The following TRAK1 variants were observed in gnomAD, a reference collection of about 807,000 sequenced individuals.
TRAK1 encodes the protein trafficking kinesin protein 1, also known as trafficking kinesin-binding protein 1.
TRAK1 carries 33 observed loss-of-function variants against 92.1 expected under a neutral mutation model. The ratio of observed to expected loss-of-function variants is 0.36; its 90% CI spans 0.27 to 0.48. The LOEUF (loss-of-function observed/expected upper bound fraction) is 0.48, where lower values mean the gene tolerates loss of function less well. Ranked by LOEUF, TRAK1 falls within the 20% of genes least tolerant of loss-of-function variation. The pLI, the probability that TRAK1 is intolerant of heterozygous loss-of-function variation, is 0.99. For missense variants in TRAK1, 1,123 were observed against 1,257.9 expected, an observed-to-expected ratio of 0.89 and a Z score of 1.62; for synonymous variants, 521 against 517.3, an observed-to-expected ratio of 1.01 and a Z score of -0.10.
chr3:42,062,650 G>A (rs796946806), intron 1 of TRAK1, among the ~76,000 whole-genome samples: 26 of 152,286 alleles, frequency 1.7e-4, no homozygotes, highest in African/African-American at 6.3e-4. Context: ...TTGTGTCAGC[G>A]CTATCTGTAT....
intron 1 of TRAK1, among the ~76,000 whole-genome samples, chr3:42,052,809 A>G (rs1703035409): frequency 6.6e-6 from 1 of 152,176 alleles, no homozygotes; most frequent in Admixed American, 6.5e-5. Flanking sequence ...GTCCCGTGAC[A>G]CCACAGTGTT....
rs371786032 is a variant in TRAK1, at chr3:42,033,046, A to G, written c.-519+18929A>G. Among the ~76,000 whole-genome samples the G allele has an allele frequency of 7.3e-4, 111 of 152,304 alleles. 1 individual carries two copies. In the South Asian group the frequency reaches 0.02, roughly 28 times the overall value. The stretch of plus-strand genomic sequence containing the variant: ...TAGGCCAGTGTTTCCTTAAAAACCA[A>G]TATTTCGATGTGTTTGTTCTGGAAG... On this transcript the variant is annotated intron_variant, in intron 1 of 16. Coordinates refer to the TRAK1 transcript ENST00000487159.
At chr3:42,032,131 C>G (rs1702168933) in intron 1 of TRAK1, among the ~76,000 whole-genome samples, 1 of 152,144 alleles carries the variant, frequency 6.6e-6, no homozygotes, top group Non-Finnish European at 1.5e-5. Flanking sequence ...GCTGATGCTT[C>G]AAGTGGGTAA....
Position 42,223,776 on chromosome 3 carries a change from G to A in TRAK1, c.*39G>A, listed in dbSNP as rs769873562. The stretch of plus-strand genomic sequence containing the variant: ...GCCGGTTGCCCTAGAGGAGACCCAC[G>A]TTCTCCTCTCTTGCTCCCACCTCCC... On this transcript the variant is annotated 3_prime_UTR_variant, in exon 16 of 16. Coordinates refer to ENST00000327628, the MANE Select transcript of TRAK1 (RefSeq NM_001042646.3). This position sits in a 1 kb window ranked among gnomAD's most constrained non-coding sequence, Gnocchi z 6.1. 1.3e-5 allele frequency: 20 copies of A among 1,548,758 alleles called. No individual in the cohort carries two copies. The Admixed American group carries it at 1.6e-4, about 13-fold the overall frequency.
intron 14 of TRAK1, chr3:42,210,528 T>C (rs1301284797): frequency 2.6e-6 from 3 of 1,160,534 alleles, no homozygotes; most frequent in Non-Finnish European, 3.2e-6. Flanking sequence ...GATTTCCAAG[T>C]GGAGCTGAGC....
In TRAK1 at chr3:42,189,975, A is replaced by T. The variant is rs1559900946; in HGVS notation, c.690+851A>T. On this transcript the variant is annotated intron_variant, in intron 6 of 15. Transcript: ENST00000327628. ...TTTTTTAGAGTTCACAGCAGGGCTG[A>T]AAGCTCGTTACTTTGATTCTCATTG... Among the ~76,000 whole-genome samples, 3 of 152,138 alleles carry T rather than the reference A, an allele frequency of 2.0e-5. No homozygotes were observed. In the South Asian group the frequency reaches 6.2e-4, roughly 32 times the overall value.
intron 3 of TRAK1, among the ~76,000 whole-genome samples, chr3:42,180,516 C>T (rs1221014715): frequency 6.6e-6 from 1 of 151,772 alleles, no homozygotes; most frequent in Non-Finnish European, 1.5e-5. Context: ...TTTGCCCAAA[C>T]CTGCATTCCA....
chr3:42,161,397 G>A (rs558665790), intron 2 of TRAK1, among the ~76,000 whole-genome samples: 89 of 151,778 alleles, frequency 5.9e-4, no homozygotes, highest in African/African-American at 2.1e-3. Flanking sequence ...TTTTTTTTGG[G>A]ACGGGGTCTC....
chr3:42,156,764 T>A (rs1166247693), intron 2 of TRAK1, among the ~76,000 whole-genome samples: 1 of 152,196 alleles, frequency 6.6e-6, no homozygotes, highest in East Asian at 1.9e-4. Context: ...CATGAAACAC[T>A]GTTGAATAAC....
intron 1 of TRAK1, among the ~76,000 whole-genome samples, chr3:42,037,193 A>G (rs978853937): frequency 1.3e-5 from 2 of 152,192 alleles, no homozygotes; most frequent in Non-Finnish European, 2.9e-5. Flanking sequence ...CTATTGTTGT[A>G]GTGTGATACC....
chr3:42,142,231 G>A (rs1276527441), intron 2 of TRAK1, among the ~76,000 whole-genome samples: 1 of 152,152 alleles, frequency 6.6e-6, no homozygotes, highest in African/African-American at 2.4e-5. Context: ...CTTTGGAGGG[G>A]CCACCTTCAA....
intron 4 of TRAK1, among the ~76,000 whole-genome samples, chr3:42,185,192 A>C (rs557990339): frequency 1.4e-4 from 21 of 152,324 alleles, no homozygotes; most frequent in African/African-American, 5.1e-4. Flanking sequence ...GGCTAACACC[A>C]CAACGAGCAG....
intron 1 of TRAK1, among the ~76,000 whole-genome samples, chr3:42,045,389 G>C (rs1354382111): frequency 6.6e-6 from 1 of 152,120 alleles, no homozygotes; most frequent in African/African-American, 2.4e-5. Context: ...ACAAAAATTA[G>C]CCAGGCATAG....
At chr3:42,194,717 T>C in intron 9 of TRAK1, 87 bp from the exon 10 acceptor site, 2 of 1,508,274 alleles carry the variant, frequency 1.3e-6, no homozygotes, top group Middle Eastern at 2.2e-4. Flanking sequence ...CTTAGATTGC[T>C]GTGTCTTTCT....
chr3:42,046,912 C>T (rs1290345602), intron 1 of TRAK1, among the ~76,000 whole-genome samples: 1 of 151,996 alleles, frequency 6.6e-6, no homozygotes, highest in East Asian at 1.9e-4. Context: ...TTCCTGAGTG[C>T]CCTGAAATTA....
At position 42,068,461 on chromosome 3, in the gene TRAK1, G is replaced by A. The variant is rs775603041; in HGVS notation, c.-518-18643G>A. Among the ~76,000 whole-genome samples, 6 of 152,182 alleles carry A rather than the reference G, an allele frequency of 3.9e-5. No homozygotes were observed. In the South Asian group the frequency reaches 1.2e-3, roughly 32 times the overall value. ...GATTACAGGCATGCCACTGCATGTGGTCCATTAGCTGTAGTTAAGAGAAAA... is the reference window on the plus strand; with the variant it reads ...GATTACAGGCATGCCACTGCATGTGATCCATTAGCTGTAGTTAAGAGAAAA... On this transcript the variant is annotated intron_variant, in intron 1 of 16. Transcript: ENST00000487159.
intron 2 of TRAK1, among the ~76,000 whole-genome samples, chr3:42,167,806 T>G (rs1326330783): frequency 6.6e-6 from 1 of 152,078 alleles, no homozygotes; most frequent in Non-Finnish European, 1.5e-5. Flanking sequence ...CATGAACCCG[T>G]GAGGCAGAGC....
At chr3:42,157,482 A>AAAAAAAAAAAAAAAAAAAAAAC in intron 2 of TRAK1, among the ~76,000 whole-genome samples, 1 of 147,484 alleles carries the variant, frequency 6.8e-6, no homozygotes, top group Non-Finnish European at 1.5e-5. Flanking sequence ...AAAAAAAAAA[A>AAAAAAAAAAAAAAAAAAAAAAC]AAAAAAAGGT....
chr3:42,105,032 A>C lies in TRAK1; in HGVS notation c.91+13472A>C, dbSNP rs144527901. Among the ~76,000 whole-genome samples, 1,067 of 150,840 alleles carry C rather than the reference A, an allele frequency of 7.1e-3. 48 individuals carry two copies. The East Asian group carries it at 0.13, about 18-fold the overall frequency. The stretch of plus-strand genomic sequence containing the variant: ...AATGGCTCGGTCTTGGCTCACCGCA[A>C]CCTCTGCCTCCTGGCTTCAAGTGAG... On this transcript the variant is annotated intron_variant, in intron 1 of 15. Coordinates refer to ENST00000327628, the MANE Select transcript of TRAK1 (RefSeq NM_001042646.3).
Sources: gnomAD v4.1 joint callset for allele counts (sites outside exome capture counted in the v4.1 genomes callset) on GRCh38, gnomAD v4.1.1 for gene constraint, Gnocchi (gnomAD v3.1) non-coding constraint, MANE v1.5 for transcripts, NCBI Gene and HGNC (gene_info 2026-07-23, HGNC 2026-07-21) for gene names.